The following NECTIN3 variants were observed in gnomAD, a reference collection of about 807,000 sequenced individuals.
NECTIN3 encodes the protein nectin-3.
In NECTIN3, 8 loss-of-function variants were observed where a neutral mutation model predicts 49.4. That is an observed-to-expected ratio of 0.16 (90% CI 0.10 to 0.29). The LOEUF is 0.29. NECTIN3 is among the 10% of genes least tolerant of loss of function. The pLI is 1.00. For synonymous variants in NECTIN3, 277 were observed against 241.1 expected (o/e 1.15, Z -1.38); for missense variants, 581 against 654.6 (o/e 0.89, Z 1.23).
In NECTIN3 at chr3:111,170,178, C is replaced by A. The variant is rs566292498; in HGVS notation, c.1222-22173C>A. Among the ~76,000 whole-genome samples the A allele has an allele frequency of 1.2e-3, 178 of 152,100 alleles. 1 individual carries two copies. Among genetic ancestry groups the A allele is most frequent in the Non-Finnish European group, 1.8e-3 (119 of 67,990 alleles). ...TCCGGCTGTGTTCTTCTTTATTAGGCATGAAGATGAAGAAAAGTGAAAGGT... is the reference window on the plus strand; with the variant it reads ...TCCGGCTGTGTTCTTCTTTATTAGGAATGAAGATGAAGAAAAGTGAAAGGT... On this transcript the variant is annotated intron_variant, in intron 7 of 8. Transcript: ENST00000493615.
intron 7 of NECTIN3, among the ~76,000 whole-genome samples, chr3:111,174,607 A>G (rs1478522369): frequency 6.6e-6 from 1 of 151,856 alleles, no homozygotes; most frequent in Non-Finnish European, 1.5e-5. Flanking sequence ...AGGTAGTTAC[A>G]TGTCTACAGT....
chr3:111,091,342 G>A (rs1404978570), intron 1 of NECTIN3, among the ~76,000 whole-genome samples: 1 of 151,982 alleles, frequency 6.6e-6, no homozygotes, highest in African/African-American at 2.4e-5. Flanking sequence ...TGCAAGCTCC[G>A]CCTCCCAGGT....
At chr3:111,180,131 T>C (rs924388276) in intron 7 of NECTIN3, among the ~76,000 whole-genome samples, 1 of 152,194 alleles carries the variant, frequency 6.6e-6, no homozygotes, top group Non-Finnish European at 1.5e-5. Context: ...AATACCCCTA[T>C]CTTTTATAAA....
At chr3:111,087,812 C>A (rs1488253269) in intron 1 of NECTIN3, among the ~76,000 whole-genome samples, 1 of 151,896 alleles carries the variant, frequency 6.6e-6, no homozygotes, top group Non-Finnish European at 1.5e-5. Flanking sequence ...ATTCTCTTGC[C>A]TCAGTCTCCT....
At chr3:111,108,533 G>A (rs1301386849) in intron 1 of NECTIN3, among the ~76,000 whole-genome samples, 1 of 152,102 alleles carries the variant, frequency 6.6e-6, no homozygotes, top group Non-Finnish European at 1.5e-5. Context: ...TCAACTTGGG[G>A]TGTGTATTAT....
chr3:111,081,762 C>T (rs1481705251), intron 1 of NECTIN3, among the ~76,000 whole-genome samples: 1 of 152,058 alleles, frequency 6.6e-6, no homozygotes, highest in East Asian at 1.9e-4. Flanking sequence ...GAGGGTGTTC[C>T]AACTTAAAGA....
chr3:111,136,969 A>G lies in NECTIN3; in HGVS notation c.*2754A>G. 2 of 976,596 alleles carry G rather than the reference A, an allele frequency of 2.0e-6. No homozygotes were observed. Among genetic ancestry groups the G allele is most frequent in the Admixed American group, 6.2e-5 (1 of 16,152 alleles). 60.5% of individuals were successfully genotyped at this position (976,596 alleles called of 1,614,324 possible). ...GTGCCTAGTAGGGTTCTATTTGCTA[A>G]CTCTAATATTGAGGAAACTATTAAG... On this transcript the variant is annotated 3_prime_UTR_variant, in exon 6 of 6. Coordinates refer to ENST00000485303, the MANE Select transcript of NECTIN3 (RefSeq NM_015480.3).
At chr3:111,141,427 T>G (rs2034742158), downstream of NECTIN3, among the ~76,000 whole-genome samples, 1 of 151,960 alleles carries the variant, frequency 6.6e-6, no homozygotes, top group Non-Finnish European at 1.5e-5. Flanking sequence ...TCAATAGCTT[T>G]ACTTTAAAAA....
intron 2 of NECTIN3, among the ~76,000 whole-genome samples, chr3:111,118,278 ATATATT>A (rs1292208768): frequency 1.0e-4 from 14 of 139,472 alleles, no homozygotes; most frequent in African/African-American, 3.3e-4. Flanking sequence ...ATATATATAT[ATATATT>A]ATACATATAT....
At chr3:111,076,103 A>G (rs1292562612) in intron 1 of NECTIN3, among the ~76,000 whole-genome samples, 2 of 152,116 alleles carry the variant, frequency 1.3e-5, no homozygotes, top group Non-Finnish European at 2.9e-5. Context: ...TGTGTTTATT[A>G]TATATATTTA....
intron 1 of NECTIN3, among the ~76,000 whole-genome samples, chr3:111,090,442 T>A (rs571319022): frequency 6.6e-6 from 1 of 152,256 alleles, no homozygotes; most frequent in South Asian, 2.1e-4. Context: ...ACAAGATGCA[T>A]CCTTGACTTA....
At chr3:111,095,863 A>T (rs1320725769) in intron 1 of NECTIN3, among the ~76,000 whole-genome samples, 2 of 152,170 alleles carry the variant, frequency 1.3e-5, no homozygotes, top group Non-Finnish European at 2.9e-5. Context: ...TGAGTTCTTC[A>T]TTAATCCTCT....
intron 1 of NECTIN3, chr3:111,193,415 T>G: frequency 6.6e-7 from 1 of 1,515,042 alleles, no homozygotes; most frequent in South Asian, 1.2e-5. Context: ...CTAACAAATG[T>G]TTATTCTTAG....
intron 1 of NECTIN3, among the ~76,000 whole-genome samples, chr3:111,110,272 T>C (rs2033399648): frequency 6.6e-6 from 1 of 152,008 alleles, no homozygotes; most frequent in South Asian, 2.1e-4. Flanking sequence ...TTAATACCCA[T>C]GCCTCTTTCT....
chr3:111,145,295 C>G (rs1018591298), intron 6 of NECTIN3, among the ~76,000 whole-genome samples: 3 of 152,070 alleles, frequency 2.0e-5, no homozygotes, highest in Non-Finnish European at 4.4e-5. Context: ...TAAAGGGTAA[C>G]ATAGTAATAC....
intron 7 of NECTIN3, among the ~76,000 whole-genome samples, chr3:111,163,520 C>T (rs2035258532): frequency 6.6e-6 from 1 of 152,102 alleles, no homozygotes; most frequent in African/African-American, 2.4e-5. Context: ...TGTTTTGAAA[C>T]ATGAAAATAA....
intron 7 of NECTIN3, among the ~76,000 whole-genome samples, chr3:111,183,636 T>C (rs1388974290): frequency 1.3e-5 from 2 of 152,098 alleles, no homozygotes; most frequent in Admixed American, 6.5e-5. Context: ...TTTTATGGGA[T>C]ATAGAATTCT....
intron 7 of NECTIN3, among the ~76,000 whole-genome samples, chr3:111,182,006 G>A (rs1048710255): frequency 1.3e-5 from 2 of 151,644 alleles, no homozygotes; most frequent in African/African-American, 2.4e-5. Context: ...TTTCCTTTGA[G>A]CACTTCTTTG....
intron 4 of NECTIN3, among the ~76,000 whole-genome samples, chr3:111,124,969 A>T (rs1210733280): frequency 6.7e-6 from 1 of 150,286 alleles, no homozygotes; most frequent in Non-Finnish European, 1.5e-5. Context: ...CTTAGCCTAA[A>T]CTGTAGTAGT....
Sources: allele counts gnomAD v4.1 joint callset (sites outside exome capture counted in the v4.1 genomes callset), GRCh38; gene constraint gnomAD v4.1.1; transcripts MANE v1.5; gene names NCBI Gene and HGNC (gene_info 2026-07-23, HGNC 2026-07-21).